Variants in VAT1L observed in about 807,000 individuals in gnomAD.
VAT1L encodes the protein putative NADPH-dependent quinone oxidoreductase VAT1L.
In VAT1L, 34 loss-of-function variants were observed where a neutral mutation model predicts 44.1. That is an observed-to-expected ratio of 0.77 (90% CI 0.59 to 1.03). VAT1L has a LOEUF of 1.03. Among genes scored for constraint, VAT1L ranks in the 50% least tolerant of loss-of-function variants. The pLI, the probability that VAT1L is intolerant of heterozygous loss-of-function variation, is 0.00. For synonymous variants in VAT1L, 253 were observed against 202.2 expected (o/e 1.25, Z -2.13); for missense variants, 615 against 538.8 (o/e 1.14, Z -1.40).
intron 3 of VAT1L, among the ~76,000 whole-genome samples, chr16:77,851,680 A>G (rs1331063033): frequency 6.6e-6 from 1 of 151,942 alleles, no homozygotes; most frequent in East Asian, 1.9e-4. Context: ...AGAGAGAGAG[A>G]GCAGGGCCCT....
At chr16:77,939,761 T>A (rs2017855303) in intron 7 of VAT1L, among the ~76,000 whole-genome samples, 1 of 152,206 alleles carries the variant, frequency 6.6e-6, no homozygotes, top group African/African-American at 2.4e-5. Flanking sequence ...TTGTCTTATA[T>A]CTTGAGGTTT....
At chr16:77,949,267 T>G (rs2018011130) in intron 7 of VAT1L, among the ~76,000 whole-genome samples, 1 of 152,110 alleles carries the variant, frequency 6.6e-6, no homozygotes, top group Non-Finnish European at 1.5e-5. Context: ...CTTCTGCAAT[T>G]AAAGGTCAAG....
At chr16:77,881,893 TAAG>T (rs2017158999) in intron 6 of VAT1L, among the ~76,000 whole-genome samples, 2 of 152,224 alleles carry the variant, frequency 1.3e-5, no homozygotes, top group Non-Finnish European at 2.9e-5. Context: ...CATACAATTG[TAAG>T]AAGTGTTTTC....
intron 7 of VAT1L, among the ~76,000 whole-genome samples, chr16:77,908,832 T>A (rs1374605302): frequency 4.0e-5 from 6 of 151,748 alleles, no homozygotes; most frequent in Non-Finnish European, 5.9e-5. Context: ...GAGCACGGCG[T>A]GAACCCGGGA....
chr16:77,868,116 A>G (rs1044156253), intron 4 of VAT1L, among the ~76,000 whole-genome samples: 3 of 152,184 alleles, frequency 2.0e-5, no homozygotes, highest in Non-Finnish European at 4.4e-5. Context: ...ACATTAGCCT[A>G]CAGTTGGGCA....
intron 2 of VAT1L, among the ~76,000 whole-genome samples, chr16:77,824,078 C>T (rs2016490819): frequency 6.6e-6 from 1 of 152,166 alleles, no homozygotes; most frequent in African/African-American, 2.4e-5. Flanking sequence ...ATCCATTCTC[C>T]AGCCAGGCTG....
chr16:77,895,902 A>G (rs1006001583), intron 7 of VAT1L, among the ~76,000 whole-genome samples: 2 of 152,208 alleles, frequency 1.3e-5, no homozygotes, highest in African/African-American at 4.8e-5. Context: ...TTATATAAGC[A>G]GGGAACGAAG....
chr16:77,820,655 G>A (rs192049997), intron 2 of VAT1L, among the ~76,000 whole-genome samples: 30 of 152,258 alleles, frequency 2.0e-4, no homozygotes, highest in African/African-American at 6.7e-4. Context: ...TGAACTGGAA[G>A]CCTTCTGCTT....
At chr16:77,794,569 C>T (rs1463076971) in intron 1 of VAT1L, among the ~76,000 whole-genome samples, 1 of 152,164 alleles carries the variant, frequency 6.6e-6, no homozygotes, top group Non-Finnish European at 1.5e-5. Flanking sequence ...TAAACTGTCA[C>T]CAGTAAGGTT....
At chr16:77,868,071 G>T (rs560311426) in intron 4 of VAT1L, among the ~76,000 whole-genome samples, 1 of 152,102 alleles carries the variant, frequency 6.6e-6, no homozygotes, top group Non-Finnish European at 1.5e-5. Flanking sequence ...CTAACCTACT[G>T]AATGTCATAG....
At position 77,979,938 on chromosome 16, in the gene VAT1L, T is replaced by C. The variant is rs1322795216; in HGVS notation, c.*2243T>C. 1 of 152,672 alleles carries C rather than the reference T, an allele frequency of 6.5e-6. No individual in the cohort carries two copies. Among genetic ancestry groups the C allele is most frequent in the East Asian group, 1.9e-4 (1 of 5,200 alleles). The allele number at this position is 152,672 out of a possible 1,614,324, so 9.5% of individuals were successfully genotyped here. On this transcript the variant is annotated 3_prime_UTR_variant, in exon 9 of 9. Coordinates refer to ENST00000302536, the MANE Select transcript of VAT1L (RefSeq NM_020927.3). ...GAAGGAAGTGTAAAGAATGTCTCAG[T>C]CTGCCTTAAAGGAACTGTGAAGGCT...
chr16:77,874,839 T>TAA (rs769810512), intron 4 of VAT1L, among the ~76,000 whole-genome samples: 971 of 87,460 alleles, frequency 0.011, 11 homozygotes, highest in East Asian at 0.02. Context: ...AATTAATTTG[T>TAA]AAAAAAAAAA....
At chr16:77,962,805 G>A (rs1428722827) in intron 7 of VAT1L, among the ~76,000 whole-genome samples, 1 of 139,786 alleles carries the variant, frequency 7.2e-6, no homozygotes, top group Non-Finnish European at 1.6e-5. Context: ...AAATAGCTAG[G>A]CATGGTGGCT....
In VAT1L at chr16:77,930,631, A is replaced by AT. The variant is rs538850081; in HGVS notation, c.1078-41218dup. The stretch of plus-strand genomic sequence containing the variant: ...CACTCAATAAAACCCTCTGCAAGGT[A>AT]TGGATCATCATTTGGTGGTTGGATA... On this transcript the variant is annotated intron_variant, in intron 7 of 8. Transcript: ENST00000302536. Among the ~76,000 whole-genome samples the AT allele has an allele frequency of 7.5e-3, 1,147 of 152,290 alleles. 15 individuals carry two copies. The highest frequency in any genetic ancestry group is 0.026 in the African/African-American group (1,067 of 41,556).
chr16:77,791,155 T>A (rs1426599254), intron 1 of VAT1L, among the ~76,000 whole-genome samples: 1 of 152,232 alleles, frequency 6.6e-6, no homozygotes, highest in Non-Finnish European at 1.5e-5. Context: ...TGGGCTGGGA[T>A]TGGCTGGCCA....
intron 1 of VAT1L, among the ~76,000 whole-genome samples, chr16:77,809,982 AG>A (rs1407426532): frequency 6.6e-6 from 1 of 152,108 alleles, no homozygotes; most frequent in Non-Finnish European, 1.5e-5. Flanking sequence ...CAAATCCAGG[AG>A]GGAGAATTAA....
chr16:77,930,539 C>T (rs1243159439), intron 7 of VAT1L, among the ~76,000 whole-genome samples: 2 of 152,178 alleles, frequency 1.3e-5, no homozygotes, highest in Admixed American at 6.5e-5. Flanking sequence ...ACTCTCAATC[C>T]GGACTCAACG....
intron 7 of VAT1L, among the ~76,000 whole-genome samples, chr16:77,942,375 A>T (rs902762081): frequency 3.9e-5 from 6 of 152,114 alleles, no homozygotes; most frequent in African/African-American, 9.7e-5. Flanking sequence ...AAATTGTGGG[A>T]ACTGCAATTC....
intron 8 of VAT1L, among the ~76,000 whole-genome samples, chr16:77,976,323 G>T (rs1364632453): frequency 6.6e-6 from 1 of 152,180 alleles, no homozygotes; most frequent in African/African-American, 2.4e-5. Flanking sequence ...GTTCCAGTTA[G>T]GGAATTCTGC....
Sources: allele counts gnomAD v4.1 joint callset (sites outside exome capture counted in the v4.1 genomes callset), GRCh38; gene constraint gnomAD v4.1.1; transcripts MANE v1.5; gene names NCBI Gene and HGNC (gene_info 2026-07-23, HGNC 2026-07-21).